The following PSG9 variants were observed in gnomAD, a reference collection of about 807,000 sequenced individuals.
The protein encoded by PSG9 is pregnancy specific beta-1-glycoprotein 9, also known as pregnancy-specific beta-1-glycoprotein 9.
In PSG9, 49 loss-of-function variants were observed where a neutral mutation model predicts 41.9. The observed-to-expected ratio is 1.17, with a 90% CI of 0.93 to 1.48. PSG9 has a LOEUF of 1.48. Among genes scored for constraint, PSG9 ranks in the 40% most tolerant of loss-of-function variants. PSG9 has a pLI of 0.00. For synonymous variants in PSG9, 263 were observed against 196.8 expected (o/e 1.34, Z -2.82); for missense variants, 641 against 520.3 (o/e 1.23, Z -2.26).
intron 1 of PSG9, 48 bp from the exon 2 acceptor site, chr19:43,268,197 G>C (rs545542148): frequency 2.6e-6 from 4 of 1,534,350 alleles, no homozygotes; most frequent in East Asian, 4.5e-5. Context: ...TATGTATTGT[G>C]GTGAAAAGAT....
chr19:43,266,529 A>G (rs1968975440), intron 2 of PSG9, among the ~76,000 whole-genome samples: 2 of 151,996 alleles, frequency 1.3e-5, no homozygotes, highest in East Asian at 1.9e-4. Context: ...TGACATGGAC[A>G]CTTTGGGAAA....
At chr19:43,269,316 C>T (rs1969136618) in intron 1 of PSG9, 52 bp downstream of exon 1, 3 of 1,612,178 alleles carry the variant, frequency 1.9e-6, no homozygotes, top group Non-Finnish European at 2.5e-6. Flanking sequence ...GAGACCCCAT[C>T]CAGTCACTCC....
Position 43,258,941 on chromosome 19 carries a change from T to C in PSG9, c.904A>G (p.Arg302Gly). ...NRILILPSVT[R>G]NETGPYQCEI... is the part of the protein sequence containing the mutation. Reference sequence around the variant, plus strand: ...CATTGATAGGGTCCTGTTTCATTTCTCGTGACACTGGGTAGAATGAGTATC... The same window carrying C: ...CATTGATAGGGTCCTGTTTCATTTCCCGTGACACTGGGTAGAATGAGTATC... The change falls in exon 4 of 6, where the codon AGA becomes GGA. Residue 302 changes from arginine to glycine, a missense_variant. Physicochemically the swap from Arg to Gly is moderately radical, Grantham distance 125 (BLOSUM62 -2). Coordinates refer to ENST00000270077, the MANE Select transcript of PSG9 (RefSeq NM_002784.5). The C allele has an allele frequency of 6.3e-7, 1 of 1,590,166 alleles. No homozygotes were observed. Among genetic ancestry groups the C allele is most frequent in the South Asian group, 1.1e-5 (1 of 89,870 alleles).
chr19:43,255,779 T>G (rs544225367), intron 5 of PSG9, among the ~76,000 whole-genome samples: 1 of 146,530 alleles, frequency 6.8e-6, no homozygotes, highest in South Asian at 2.2e-4. Context: ...AATAAAATAT[T>G]TAGGAATAAG....
intron 3 of PSG9, among the ~76,000 whole-genome samples, chr19:43,260,915 A>T (rs1214889118): frequency 1.3e-5 from 2 of 152,010 alleles, no homozygotes; most frequent in Admixed American, 1.3e-4. Flanking sequence ...TAATCATTTG[A>T]CCTTTTTGGT....
intron 2 of PSG9, among the ~76,000 whole-genome samples, chr19:43,267,021 C>T (rs956094813): frequency 7.2e-5 from 11 of 152,154 alleles, no homozygotes; most frequent in Admixed American, 7.2e-4. Flanking sequence ...TAATTTGCTT[C>T]CATGAGAAAG....
intron 3 of PSG9, 93 bp downstream of exon 3, chr19:43,261,767 G>A: frequency 6.2e-7 from 1 of 1,612,352 alleles, no homozygotes; most frequent in Non-Finnish European, 8.5e-7. Flanking sequence ...AAAGGTCTCT[G>A]TACTTGGACC....
intron 2 of PSG9, among the ~76,000 whole-genome samples, chr19:43,266,198 C>A (rs575727447): frequency 2.0e-5 from 3 of 151,876 alleles, no homozygotes; most frequent in Non-Finnish European, 2.9e-5. Flanking sequence ...AGTCCAGGAC[C>A]AAGGAGCCCT....
At chr19:43,262,915 G>C in intron 2 of PSG9, among the ~76,000 whole-genome samples, 1 of 152,152 alleles carries the variant, frequency 6.6e-6, no homozygotes, top group African/African-American at 2.4e-5. Flanking sequence ...GGGCAGGTGA[G>C]GACCATGTGG....
At chr19:43,266,296 G>C (rs548172494) in intron 2 of PSG9, among the ~76,000 whole-genome samples, 2 of 151,998 alleles carry the variant, frequency 1.3e-5, no homozygotes, top group East Asian at 3.9e-4. Flanking sequence ...TGAAACGTGG[G>C]TGTCAGCCTC....
In PSG9 at chr19:43,267,808, G is replaced by C. The variant is rs146901255; in HGVS notation, c.406C>G (p.Arg136Gly). The C allele has an allele frequency of 6.2e-7, 1 of 1,613,012 alleles. No individual in the cohort carries two copies. The highest frequency in any genetic ancestry group is 8.5e-7 in the Non-Finnish European group (1 of 1,179,424). The part of the protein sequence containing the change: ...KRGDETREEI[R>G]HFTFTLYLET... ...CAGTATAAGGTGAAGGTGAAATGTC[G>C]AATTTCTTCTCTAGTCTCATCACCT... Residue 136 changes from arginine to glycine, a missense_variant, in exon 2 of 6, where the codon CGA (arginine) becomes GGA (glycine). Arg to Gly is a moderately radical substitution (Grantham distance 125). Transcript: ENST00000270077.
At chr19:43,267,047 C>A (rs577350415) in intron 2 of PSG9, among the ~76,000 whole-genome samples, 13 of 152,116 alleles carry the variant, frequency 8.5e-5, no homozygotes, top group Non-Finnish European at 1.9e-4. Context: ...TATGTCAGAT[C>A]CCTGTGGACA....
At chr19:43,266,256 T>G (rs897850431) in intron 2 of PSG9, among the ~76,000 whole-genome samples, 1 of 151,684 alleles carries the variant, frequency 6.6e-6, no homozygotes, top group Admixed American at 6.6e-5. Context: ...TGAGGTGGGG[T>G]GGCTTTAGGG....
chr19:43,257,262 G>A, intron 5 of PSG9: 1 of 679,702 alleles, frequency 1.5e-6, no homozygotes, highest in Non-Finnish European at 1.8e-6. Context: ...AAAAAGTTCT[G>A]GAAATGGATA....
chr19:43,257,218 T>C (rs1158017375), intron 5 of PSG9: 8 of 310,630 alleles, frequency 2.6e-5, no homozygotes. Context: ...AGAGTTACTG[T>C]TTATTGGGTA....
intron 2 of PSG9, among the ~76,000 whole-genome samples, 190 bp from the exon 3 acceptor site, chr19:43,262,328 T>C (rs1230460457): frequency 6.6e-6 from 1 of 152,064 alleles, no homozygotes; most frequent in African/African-American, 2.4e-5. Flanking sequence ...CTGCCTGCTT[T>C]ATGTGGGAGA....
chr19:43,258,841 A>G lies in PSG9; in HGVS notation c.988+16T>C, dbSNP rs1160894247. On this transcript the variant is annotated intron_variant, in intron 4 of 5. Coordinates refer to ENST00000270077, the MANE Select transcript of PSG9 (RefSeq NM_002784.5). Reference sequence around the variant, plus strand: ...AAGCTGGTGTCCTGGCCCACAGAGGAACAAAAGATACTCACAGAGGACATT... The same window carrying G: ...AAGCTGGTGTCCTGGCCCACAGAGGGACAAAAGATACTCACAGAGGACATT... The G allele has an allele frequency of 1.9e-6, 3 of 1,586,550 alleles. No individual in the cohort carries two copies. The South Asian group carries it at 3.4e-5, about 18-fold the overall frequency.
chr19:43,267,264 C>G (rs920426125), intron 2 of PSG9, among the ~76,000 whole-genome samples: 12 of 152,118 alleles, frequency 7.9e-5, no homozygotes, highest in African/African-American at 2.7e-4. Context: ...GTGAACAGCT[C>G]CAGGAGACAC....
chr19:43,264,259 A>T (rs563001187), intron 2 of PSG9, among the ~76,000 whole-genome samples: 1 of 152,292 alleles, frequency 6.6e-6, no homozygotes, highest in African/African-American at 2.4e-5. Flanking sequence ...CACAACTACA[A>T]AATTTAAAAA....
Sources: gnomAD v4.1 joint callset for allele counts (sites outside exome capture counted in the v4.1 genomes callset) on GRCh38, gnomAD v4.1.1 for gene constraint, MANE v1.5 for transcripts, NCBI Gene and HGNC (gene_info 2026-07-23, HGNC 2026-07-21) for gene names.